The following FRMD5 variants were observed in gnomAD, a reference collection of about 807,000 sequenced individuals.
FRMD5 encodes the protein FERM domain containing 5.
FRMD5 carries 20 observed loss-of-function variants against 69.0 expected under a neutral mutation model. The observed-to-expected ratio is 0.29, with a 90% CI of 0.20 to 0.42. The LOEUF is 0.42. Ranked by LOEUF, FRMD5 falls within the 10% of genes least tolerant of loss-of-function variation. The probability of loss-of-function intolerance (pLI) is 1.00; values close to 1 mark genes in which losing one functional copy is unlikely to be tolerated. For synonymous variants in FRMD5, 271 were observed against 260.1 expected (o/e 1.04, Z -0.40); for missense variants, 595 against 708.6 (o/e 0.84, Z 1.82).
intron 1 of FRMD5, among the ~76,000 whole-genome samples, chr15:44,186,329 A>T (rs1167268930): frequency 6.6e-6 from 1 of 152,166 alleles, no homozygotes; most frequent in Non-Finnish European, 1.5e-5. Context: ...TCCTTTGGAA[A>T]TCCTGAAGCC....
chr15:43,887,558 C>T (rs2088693073), intron 10 of FRMD5, among the ~76,000 whole-genome samples: 1 of 152,206 alleles, frequency 6.6e-6, no homozygotes, highest in Admixed American at 6.5e-5. Context: ...GAATGCCTGT[C>T]TAAGAAACAG....
At chr15:44,119,503 C>T (rs894364155) in intron 1 of FRMD5, among the ~76,000 whole-genome samples, 3 of 151,996 alleles carry the variant, frequency 2.0e-5, no homozygotes, top group Admixed American at 2.0e-4. Context: ...CTTAAAATTC[C>T]CCAAGCTTAA....
At chr15:43,888,114 C>T in intron 10 of FRMD5, 61 bp downstream of exon 10, 1 of 1,356,288 alleles carries the variant, frequency 7.4e-7, no homozygotes, top group Non-Finnish European at 1.0e-6. Flanking sequence ...GGCCTCCTGT[C>T]ACCGACTCTC....
intron 1 of FRMD5, among the ~76,000 whole-genome samples, chr15:44,146,441 G>A (rs934407350): frequency 6.6e-6 from 1 of 152,112 alleles, no homozygotes; most frequent in Non-Finnish European, 1.5e-5. Flanking sequence ...ATTGTGACTA[G>A]TGCTGCAGTG....
At position 44,101,080 on chromosome 15, in the gene FRMD5, C is replaced by T. The variant is rs191943353; in HGVS notation, c.102+93873G>A. Among the ~76,000 whole-genome samples, 13 of 150,254 alleles carry T rather than the reference C, an allele frequency of 8.7e-5. No individual in the cohort carries two copies. In the East Asian group the frequency reaches 1.0e-3, roughly 12 times the overall value. ...AGGAGAATCCCTTGAACTCAGGAGG[C>T]GGAGGTTGCAGTGAGCCGAGATCGC... On this transcript the variant is annotated intron_variant, in intron 1 of 13. Coordinates refer to ENST00000417257, the MANE Select transcript of FRMD5 (RefSeq NM_032892.5).
At chr15:44,022,584 GAAAAAAAAAAA>G (rs5812262) in intron 1 of FRMD5, among the ~76,000 whole-genome samples, 3 of 73,168 alleles carry the variant, frequency 4.1e-5, no homozygotes, top group African/African-American at 5.8e-5. Flanking sequence ...CACTCCACCA[GAAAAAAAAAAA>G]AAAAAAAAAA....
chr15:43,914,375 C>G (rs1247111562), intron 4 of FRMD5, among the ~76,000 whole-genome samples: 4 of 152,148 alleles, frequency 2.6e-5, no homozygotes, highest in Non-Finnish European at 5.9e-5. Context: ...ACGTCTTCCT[C>G]CCCAATATTA....
chr15:43,969,819 T>A (rs2090348895), intron 1 of FRMD5, among the ~76,000 whole-genome samples: 1 of 152,218 alleles, frequency 6.6e-6, no homozygotes, highest in African/African-American at 2.4e-5. Context: ...ATGATACTAT[T>A]CCTCTATCCT....
chr15:43,973,869 T>C (rs1053773651), intron 1 of FRMD5, among the ~76,000 whole-genome samples: 20 of 150,762 alleles, frequency 1.3e-4, no homozygotes, highest in Admixed American at 4.0e-4. Flanking sequence ...TCAAACATTC[T>C]CCTACTAAGT....
intron 1 of FRMD5, among the ~76,000 whole-genome samples, chr15:44,062,706 A>G (rs1893140836): frequency 6.6e-6 from 1 of 151,478 alleles, no homozygotes; most frequent in African/African-American, 2.4e-5. Flanking sequence ...AAAAAAAAAA[A>G]AGTATATGGG....
At chr15:44,003,691 G>T (rs1890313999) in intron 1 of FRMD5, among the ~76,000 whole-genome samples, 1 of 152,088 alleles carries the variant, frequency 6.6e-6, no homozygotes, top group Non-Finnish European at 1.5e-5. Flanking sequence ...GGCCCACACT[G>T]ACTACCGTAT....
At chr15:43,951,159 A>C (rs570651010) in intron 1 of FRMD5, among the ~76,000 whole-genome samples, 1 of 152,130 alleles carries the variant, frequency 6.6e-6, no homozygotes, top group East Asian at 1.9e-4. Flanking sequence ...GGTGGCTCAC[A>C]CCTATAATCC....
chr15:44,156,386 C>A (rs1301454731), intron 1 of FRMD5, among the ~76,000 whole-genome samples: 1 of 152,208 alleles, frequency 6.6e-6, no homozygotes, highest in African/African-American at 2.4e-5. Context: ...TCAAGTGATC[C>A]ACCCACCTCA....
chr15:43,999,961 T>TATATATATATGCCATGC (rs1566889815), intron 1 of FRMD5, among the ~76,000 whole-genome samples: 4 of 75,936 alleles, frequency 5.3e-5, no homozygotes, highest in East Asian at 3.7e-4. Flanking sequence ...TGCATATATA[T>TATATATATATGCCATGC]ATATATATAT....
intron 1 of FRMD5, among the ~76,000 whole-genome samples, chr15:43,981,890 A>C (rs970103619): frequency 2.6e-5 from 4 of 152,066 alleles, no homozygotes; most frequent in Admixed American, 1.3e-4. Context: ...TTAAACCTCT[A>C]CCCTCTCCCC....
intron 1 of FRMD5, among the ~76,000 whole-genome samples, chr15:44,166,175 T>C (rs552350597): frequency 1.1e-4 from 16 of 152,304 alleles, no homozygotes; most frequent in Non-Finnish European, 1.5e-4. Flanking sequence ...CTAGTGAGGT[T>C]GAAATAAACA....
chr15:43,925,302 GCCCTCTTGTATAT>G (rs2089565144), intron 1 of FRMD5, among the ~76,000 whole-genome samples: 1 of 152,130 alleles, frequency 6.6e-6, no homozygotes, highest in Non-Finnish European at 1.5e-5. Context: ...ACCATGCCCA[GCCCTCTTGTATAT>G]CCTTTATGTG....
chr15:44,096,914 G>A (rs1439092538), intron 1 of FRMD5, among the ~76,000 whole-genome samples: 3 of 152,122 alleles, frequency 2.0e-5, no homozygotes, highest in Non-Finnish European at 2.9e-5. Context: ...AGGGATGATG[G>A]TGAGTGACCC....
intron 1 of FRMD5, among the ~76,000 whole-genome samples, chr15:43,947,765 C>T (rs1357548099): frequency 6.6e-6 from 1 of 152,154 alleles, no homozygotes; most frequent in Non-Finnish European, 1.5e-5. Context: ...AATTCAATCT[C>T]CCTTATTGCT....
Sources: gnomAD v4.1 joint callset for allele counts (sites outside exome capture counted in the v4.1 genomes callset) on GRCh38, gnomAD v4.1.1 for gene constraint, MANE v1.5 for transcripts, NCBI Gene and HGNC (gene_info 2026-07-23, HGNC 2026-07-21) for gene names.